The following PCSK5 variants were observed in gnomAD, a reference collection of about 807,000 sequenced individuals.
PCSK5 encodes the protein proprotein convertase subtilisin/kexin type 5, also known as prohormone convertase 5.
Under a neutral mutation model 233.2 loss-of-function variants are expected in PCSK5, and 129 were observed. That is an observed-to-expected ratio of 0.55 (90% confidence interval 0.48 to 0.64). The LOEUF (loss-of-function observed/expected upper bound fraction) is 0.64, where lower values mean the gene tolerates loss of function less well. Ranked by LOEUF, PCSK5 falls within the 30% of genes least tolerant of loss-of-function variation. The pLI is 0.00. For missense variants in PCSK5, 2,076 were observed against 2,430.1 expected (o/e 0.85, Z 3.06); for synonymous variants, 825 against 879.2 (o/e 0.94, Z 1.09).
chr9:76,283,443 A>G (rs1827943455), intron 24 of PCSK5, among the ~76,000 whole-genome samples: 1 of 152,256 alleles, frequency 6.6e-6, no homozygotes, highest in Non-Finnish European at 1.5e-5. Context: ...TCAGATGATC[A>G]TTAGCATTTT....
rs995876608 is a variant in PCSK5, at chr9:76,339,732, G to A, written c.4966+1285G>A. On this transcript the variant is annotated intron_variant, in intron 35 of 37. Coordinates refer to ENST00000674117, the MANE Select transcript of PCSK5 (RefSeq NM_001372043.1). ...GCTAATTTTTGTATTTTTAGTAGAG[G>A]CAGGGTTTCACCATATTGATCAGGC... Among the ~76,000 whole-genome samples, 12 of 151,820 alleles carry A rather than the reference G, an allele frequency of 7.9e-5. No homozygotes were observed. The East Asian group carries it at 2.1e-3, about 27-fold the overall frequency.
intron 2 of PCSK5, among the ~76,000 whole-genome samples, chr9:75,972,998 T>C (rs996706428): frequency 1.3e-5 from 2 of 152,126 alleles, no homozygotes; most frequent in African/African-American, 4.8e-5. Context: ...TGGATTTATG[T>C]CATCAGGGTT....
At chr9:76,035,635 G>T (rs949386936) in intron 5 of PCSK5, among the ~76,000 whole-genome samples, 13 of 150,076 alleles carry the variant, frequency 8.7e-5, no homozygotes, top group African/African-American at 2.9e-4. Flanking sequence ...CAAATTCCTG[G>T]GGCCTTTACA....
At chr9:75,902,373 T>C (rs537819906) in intron 1 of PCSK5, among the ~76,000 whole-genome samples, 2 of 152,102 alleles carry the variant, frequency 1.3e-5, no homozygotes, top group South Asian at 4.2e-4. Context: ...GACCATAGTC[T>C]GTGAGGAAGG....
At chr9:76,266,872 T>C (rs1827349082) in intron 24 of PCSK5, among the ~76,000 whole-genome samples, 1 of 150,664 alleles carries the variant, frequency 6.6e-6, no homozygotes, top group Non-Finnish European at 1.5e-5. Flanking sequence ...GCTCTTTCAT[T>C]GAGACCCTTT....
chr9:76,154,888 C>T (rs1823823650), intron 10 of PCSK5, among the ~76,000 whole-genome samples: 2 of 152,270 alleles, frequency 1.3e-5, no homozygotes, highest in South Asian at 4.2e-4. Flanking sequence ...TCTTCTGTAT[C>T]ATGTGAGTAC....
chr9:76,161,031 C>G (rs1196310332), intron 12 of PCSK5, among the ~76,000 whole-genome samples: 2 of 152,232 alleles, frequency 1.3e-5, no homozygotes, highest in Non-Finnish European at 2.9e-5. Context: ...GCCTTGGCCT[C>G]CCAAAGTGCT....
At chr9:75,897,344 A>C (rs1208581198) in intron 1 of PCSK5, among the ~76,000 whole-genome samples, 1 of 151,908 alleles carries the variant, frequency 6.6e-6, no homozygotes, top group East Asian at 1.9e-4. Context: ...TGATAGCTAC[A>C]CTTTTCCCCC....
intron 2 of PCSK5, among the ~76,000 whole-genome samples, chr9:75,958,096 G>C (rs1825175277): frequency 6.6e-6 from 1 of 152,148 alleles, no homozygotes; most frequent in Non-Finnish European, 1.5e-5. Context: ...ATCTAACTGG[G>C]TGGTTGTGAA....
At chr9:76,003,197 G>A (rs939189547) in intron 3 of PCSK5, among the ~76,000 whole-genome samples, 1 of 152,158 alleles carries the variant, frequency 6.6e-6, no homozygotes, top group African/African-American at 2.4e-5. Context: ...TCCTTATCAC[G>A]TGTGTTCAAT....
At position 76,358,504 on chromosome 9, in the gene PCSK5, T is replaced by A. The variant is rs779336126; in HGVS notation, c.5255-9T>A. ...TCTTGCCTCTTCCTTTGAGGTCTTC[T>A]TCCAACAGACGAATGCATCCTTCGA... is the stretch of plus-strand genomic sequence containing the variant. On this transcript the variant is annotated splice_polypyrimidine_tract_variant and intron_variant, in intron 37 of 37. Coordinates refer to ENST00000674117, the MANE Select transcript of PCSK5 (RefSeq NM_001372043.1). The A allele has an allele frequency of 6.2e-7, 1 of 1,604,362 alleles. No homozygotes were observed. The highest frequency in any genetic ancestry group is 1.1e-5 in the South Asian group (1 of 90,916).
intron 1 of PCSK5, among the ~76,000 whole-genome samples, chr9:75,919,360 G>A (rs112715718): frequency 0.025 from 3,786 of 152,258 alleles, 159 homozygotes; most frequent in African/African-American, 0.085. Flanking sequence ...TCCACCAGCT[G>A]TAGGGCATTG....
chr9:76,209,304 G>A (rs185379332), intron 20 of PCSK5, among the ~76,000 whole-genome samples: 210 of 152,128 alleles, frequency 1.4e-3, no homozygotes, highest in African/African-American at 4.7e-3. Context: ...CGTTCCTATC[G>A]CTACCCCTTA....
chr9:76,003,678 G>A (rs1827354335), intron 3 of PCSK5, among the ~76,000 whole-genome samples: 1 of 152,192 alleles, frequency 6.6e-6, no homozygotes, highest in South Asian at 2.1e-4. Context: ...TCACTTCTAA[G>A]AAAGTTAATG....
chr9:76,317,612 C>T (rs1233465595), intron 30 of PCSK5, among the ~76,000 whole-genome samples: 3 of 152,224 alleles, frequency 2.0e-5, no homozygotes, highest in East Asian at 1.9e-4. Context: ...CGCCACTCCT[C>T]GTATTCATGC....
chr9:76,217,207 G>A (rs1363154619), intron 20 of PCSK5, among the ~76,000 whole-genome samples: 1 of 152,226 alleles, frequency 6.6e-6, no homozygotes, highest in Non-Finnish European at 1.5e-5. Flanking sequence ...GAGACAAACA[G>A]GAACTAGCAA....
At chr9:76,339,784 C>T (rs1829779496) in intron 35 of PCSK5, among the ~76,000 whole-genome samples, 1 of 152,084 alleles carries the variant, frequency 6.6e-6, no homozygotes, top group African/African-American at 2.4e-5. Context: ...ACCTCATGAT[C>T]CGCCCGCCTC....
chr9:76,121,834 T>C (rs1382467420), intron 9 of PCSK5, among the ~76,000 whole-genome samples: 7 of 33,608 alleles, frequency 2.1e-4, no homozygotes, highest in Admixed American at 3.4e-4. Context: ...TTTTTTTTTT[T>C]TTTTTTTGAG....
intron 12 of PCSK5, among the ~76,000 whole-genome samples, chr9:76,162,206 G>A (rs1161960459): frequency 6.6e-6 from 1 of 152,142 alleles, no homozygotes; most frequent in Non-Finnish European, 1.5e-5. Flanking sequence ...ACCTTCCAAG[G>A]CCTGGCTCCC....
Sources: allele counts gnomAD v4.1 joint callset (sites outside exome capture counted in the v4.1 genomes callset), GRCh38; gene constraint gnomAD v4.1.1; transcripts MANE v1.5; gene names NCBI Gene and HGNC (gene_info 2026-07-23, HGNC 2026-07-21).